The following HS6ST3 variants were observed in gnomAD, a reference collection of about 807,000 sequenced individuals.
The protein encoded by HS6ST3 is heparan sulfate 6-O-sulfotransferase 3.
A neutral mutation model predicts 36.7 loss-of-function variants in HS6ST3; 12 were observed. The ratio of observed to expected loss-of-function variants is 0.33; its 90% CI spans 0.21 to 0.53. The LOEUF is 0.53. Ranked by LOEUF, HS6ST3 falls within the 20% of genes least tolerant of loss-of-function variation. The probability of loss-of-function intolerance (pLI) is 0.95; values close to 1 mark genes in which losing one functional copy is unlikely to be tolerated. For missense variants in HS6ST3, 584 were observed against 640.9 expected (o/e 0.91, Z 0.96); for synonymous variants, 240 against 257.5 (o/e 0.93, Z 0.65).
chr13:96,214,255 A>C (rs1454226324), intron 1 of HS6ST3, among the ~76,000 whole-genome samples: 2 of 152,134 alleles, frequency 1.3e-5, no homozygotes, highest in African/African-American at 4.8e-5. Flanking sequence ...AATCTCCATA[A>C]TCCCCATAAT....
intron 1 of HS6ST3, among the ~76,000 whole-genome samples, chr13:96,494,295 A>G (rs533895803): frequency 6.6e-6 from 1 of 151,564 alleles, no homozygotes; most frequent in South Asian, 2.1e-4. Context: ...TCGCAAGGAC[A>G]AAAAACCAAA....
At chr13:96,389,399 TA>T (rs1230270499) in intron 1 of HS6ST3, among the ~76,000 whole-genome samples, 1 of 152,012 alleles carries the variant, frequency 6.6e-6, no homozygotes, top group Non-Finnish European at 1.5e-5. Flanking sequence ...ATTTAAAAAA[TA>T]AAAAAACCTC....
At chr13:96,437,191 C>A (rs889680353) in intron 1 of HS6ST3, among the ~76,000 whole-genome samples, 3 of 152,166 alleles carry the variant, frequency 2.0e-5, no homozygotes, top group Non-Finnish European at 4.4e-5. Flanking sequence ...AAGATGCCTC[C>A]CTGTTCTTCA....
intron 1 of HS6ST3, among the ~76,000 whole-genome samples, chr13:96,645,402 G>C (rs893766625): frequency 6.0e-5 from 9 of 151,222 alleles, no homozygotes; most frequent in Non-Finnish European, 1.2e-4. Flanking sequence ...CTGAGTAACT[G>C]TCTAATGGAA....
chr13:96,526,756 G>A (rs2056116037), intron 1 of HS6ST3, among the ~76,000 whole-genome samples: 2 of 152,148 alleles, frequency 1.3e-5, no homozygotes, highest in Admixed American at 1.3e-4. Context: ...ATGGGAGAAA[G>A]CAAATGCTGT....
intron 1 of HS6ST3, among the ~76,000 whole-genome samples, chr13:96,418,786 G>A (rs1276398343): frequency 6.6e-6 from 1 of 152,170 alleles, no homozygotes; most frequent in Non-Finnish European, 1.5e-5. Context: ...TGGTAACAGG[G>A]CCACGCTCTC....
chr13:96,549,448 A>G (rs920119624), intron 1 of HS6ST3, among the ~76,000 whole-genome samples: 6 of 152,172 alleles, frequency 3.9e-5, no homozygotes, highest in African/African-American at 1.4e-4. Flanking sequence ...TCCTCATTAT[A>G]TCAAGGGACA....
At chr13:96,656,434 A>T (rs1303004864) in intron 1 of HS6ST3, among the ~76,000 whole-genome samples, 1 of 152,192 alleles carries the variant, frequency 6.6e-6, no homozygotes, top group African/African-American at 2.4e-5. Context: ...AAGTTATTAG[A>T]TAGTAAACTC....
Position 96,833,316 on chromosome 13 carries a change from G to C in HS6ST3, c.*118G>C. 1 of 706,178 alleles carries C rather than the reference G, an allele frequency of 1.4e-6. No individual in the cohort carries two copies. The highest frequency in any genetic ancestry group is 2.3e-6 in the Non-Finnish European group (1 of 440,410). 43.7% of individuals were successfully genotyped at this position (706,178 alleles called of 1,614,324 possible). A position where few individuals can be genotyped will look rare whatever the true frequency, so the allele number is the denominator to read the frequency against. On this transcript the variant is annotated 3_prime_UTR_variant, in exon 2 of 2. Coordinates refer to ENST00000376705, the MANE Select transcript of HS6ST3 (RefSeq NM_153456.4). ...ACATCTGGCTGTGTGTGCTTGATTT[G>C]GACATCTTCTTCCTTCTTTGTCTTC...
chr13:96,121,941 A>T (rs1308977277), intron 1 of HS6ST3, among the ~76,000 whole-genome samples: 1 of 152,124 alleles, frequency 6.6e-6, no homozygotes, highest in Non-Finnish European at 1.5e-5. Context: ...GGCAATGAGG[A>T]GTAACGTTTG....
chr13:96,249,412 C>T (rs2054598009), intron 1 of HS6ST3, among the ~76,000 whole-genome samples: 1 of 151,824 alleles, frequency 6.6e-6, no homozygotes, highest in Admixed American at 6.6e-5. Context: ...GCATAATGAA[C>T]AGAGATTTGA....
At position 96,826,856 on chromosome 13, in the gene HS6ST3, A is replaced by G. The variant is rs1268727029; in HGVS notation, c.708-5634A>G. ...TATATTATAATTATCAGTTAAAATG[A>G]TTATTGACTTAACCTCATTCCCTAA... On this transcript the variant is annotated intron_variant, in intron 1 of 1. Coordinates refer to ENST00000376705, the MANE Select transcript of HS6ST3 (RefSeq NM_153456.4). 2.0e-5 allele frequency among the ~76,000 whole-genome samples: 3 copies of G among 152,226 alleles called. No individual in the cohort carries two copies. In the East Asian group the frequency reaches 5.8e-4, roughly 29 times the overall value.
chr13:96,542,780 A>G (rs1002492957), intron 1 of HS6ST3, among the ~76,000 whole-genome samples: 22 of 152,136 alleles, frequency 1.4e-4, no homozygotes, highest in Admixed American at 1.4e-3. Context: ...TCTCTAGGAG[A>G]TATTTTCTCA....
rs1365269390 is a variant in HS6ST3 at position 96,295,682 on chromosome 13, G to C, written c.707+204113G>C. 2.6e-5 allele frequency among the ~76,000 whole-genome samples: 4 copies of C among 152,114 alleles called. No individual in the cohort carries two copies. The South Asian group carries it at 6.2e-4, about 24-fold the overall frequency. On this transcript the variant is annotated intron_variant, in intron 1 of 1. Transcript: ENST00000376705. ...AGCCTGCCAGGCTTTATTGAACACTGTGTTTATACTTTCTGTTCTCTGGAC... is the reference window on the plus strand; with the variant it reads ...AGCCTGCCAGGCTTTATTGAACACTCTGTTTATACTTTCTGTTCTCTGGAC...
intron 1 of HS6ST3, among the ~76,000 whole-genome samples, chr13:96,788,953 T>G (rs1877717149): frequency 1.3e-5 from 2 of 151,878 alleles, no homozygotes. Flanking sequence ...AGCATATAAT[T>G]GGATCTTGTA....
chr13:96,579,575 AG>A (rs1285857960), intron 1 of HS6ST3, among the ~76,000 whole-genome samples: 3 of 152,038 alleles, frequency 2.0e-5, no homozygotes, highest in Non-Finnish European at 4.4e-5. Flanking sequence ...AAAAAAAAAA[AG>A]TTTGTAGAAT....
chr13:96,606,976 A>T (rs924326792), intron 1 of HS6ST3, among the ~76,000 whole-genome samples: 3 of 152,290 alleles, frequency 2.0e-5, no homozygotes, highest in East Asian at 3.9e-4. Context: ...CAAGAAAAGA[A>T]ATTGAATATA....
At chr13:96,640,905 T>C (rs190288916) in intron 1 of HS6ST3, among the ~76,000 whole-genome samples, 1 of 152,028 alleles carries the variant, frequency 6.6e-6, no homozygotes, top group African/African-American at 2.4e-5. Flanking sequence ...GTTCTAGTAG[T>C]CTGTATGTCT....
intron 1 of HS6ST3, among the ~76,000 whole-genome samples, chr13:96,790,697 A>G (rs1877766125): frequency 6.6e-6 from 1 of 152,034 alleles, no homozygotes; most frequent in Admixed American, 6.6e-5. Flanking sequence ...TTCTGTTAAA[A>G]AATAAGACTT....
Sources: allele counts gnomAD v4.1 joint callset (sites outside exome capture counted in the v4.1 genomes callset), GRCh38; gene constraint gnomAD v4.1.1; transcripts MANE v1.5; gene names NCBI Gene and HGNC (gene_info 2026-07-23, HGNC 2026-07-21).